Variants in IKZF2 observed in about 807,000 individuals in gnomAD.
IKZF2 encodes zinc finger protein Helios.
IKZF2 carries 15 observed loss-of-function variants against 49.2 expected under a neutral mutation model. That is an observed-to-expected ratio of 0.30 (90% CI 0.20 to 0.47). IKZF2 has a LOEUF of 0.47. Among genes scored for constraint, IKZF2 ranks in the 20% least tolerant of loss-of-function variants. The pLI is 1.00. For synonymous variants in IKZF2, 227 were observed against 221.4 expected, an observed-to-expected ratio of 1.03 and a Z score of -0.23; for missense variants, 567 against 664.6, an observed-to-expected ratio of 0.85 and a Z score of 1.61.
At chr2:213,041,459 C>T (rs918602788) in intron 6 of IKZF2, among the ~76,000 whole-genome samples, 4 of 152,070 alleles carry the variant, frequency 2.6e-5, no homozygotes, top group East Asian at 1.9e-4. Context: ...TGTGCTATCA[C>T]GCCCAGATAA....
At chr2:213,030,812 CTTTTTT>C (rs918257825) in intron 6 of IKZF2, among the ~76,000 whole-genome samples, 7 of 133,708 alleles carry the variant, frequency 5.2e-5, no homozygotes, top group African/African-American at 1.7e-4. Context: ...TACTATTTTT[CTTTTTT>C]TTTTTTTTTT....
intron 6 of IKZF2, among the ~76,000 whole-genome samples, chr2:213,045,630 T>C (rs1296105271): frequency 6.6e-6 from 1 of 152,218 alleles, no homozygotes; most frequent in Non-Finnish European, 1.5e-5. Context: ...AAGAGATATA[T>C]GCTATAGAAT....
chr2:213,144,215 C>T (rs1253305334), intron 4 of IKZF2, among the ~76,000 whole-genome samples: 1 of 151,868 alleles, frequency 6.6e-6, no homozygotes, highest in Non-Finnish European at 1.5e-5. Flanking sequence ...CCATACATGC[C>T]ACCTGGCCAT....
intron 4 of IKZF2, among the ~76,000 whole-genome samples, chr2:213,079,062 T>A (rs1440115940): frequency 6.6e-6 from 1 of 152,116 alleles, no homozygotes; most frequent in Non-Finnish European, 1.5e-5. Flanking sequence ...CTCTTTTTTG[T>A]TGAGGGAGAA....
At chr2:213,085,498 A>G (rs1250846557) in intron 4 of IKZF2, among the ~76,000 whole-genome samples, 1 of 152,216 alleles carries the variant, frequency 6.6e-6, no homozygotes, top group Non-Finnish European at 1.5e-5. Context: ...TTATTCCAGA[A>G]ACTATTTTTA....
At chr2:213,022,155 G>T in intron 6 of IKZF2, 25 bp from the exon 7 acceptor site, 1 of 1,572,266 alleles carries the variant, frequency 6.4e-7, no homozygotes. Context: ...CAAGGTCAGT[G>T]TGCTGTTAGT....
intron 6 of IKZF2, among the ~76,000 whole-genome samples, chr2:213,028,548 T>G (rs1479823523): frequency 1.3e-5 from 2 of 152,148 alleles, no homozygotes; most frequent in Non-Finnish European, 2.9e-5. Flanking sequence ...ATCTCAGCAA[T>G]GTGTTATGAT....
At chr2:213,100,616 G>A (rs369645948) in intron 4 of IKZF2, among the ~76,000 whole-genome samples, 11 of 151,916 alleles carry the variant, frequency 7.2e-5, no homozygotes, top group African/African-American at 2.2e-4. Context: ...AAGCATTACC[G>A]TGCAATAGTC....
At chr2:213,115,018 A>G (rs561233426) in intron 4 of IKZF2, among the ~76,000 whole-genome samples, 1 of 152,310 alleles carries the variant, frequency 6.6e-6, no homozygotes, top group Non-Finnish European at 1.5e-5. Context: ...ACAACAGTGT[A>G]GTTTTACATC....
chr2:213,063,467 T>C (rs1444989104), intron 4 of IKZF2, among the ~76,000 whole-genome samples: 4 of 151,802 alleles, frequency 2.6e-5, no homozygotes, highest in Admixed American at 1.3e-4. Flanking sequence ...CCATCTAAAA[T>C]ATGGGGGGAA....
chr2:213,066,267 C>G (rs530334217), intron 4 of IKZF2, among the ~76,000 whole-genome samples: 1 of 152,004 alleles, frequency 6.6e-6, no homozygotes. Context: ...AGGCTGCTGG[C>G]GGCTCAACAG....
At chr2:213,032,807 C>T (rs977312720) in intron 6 of IKZF2, among the ~76,000 whole-genome samples, 5 of 152,112 alleles carry the variant, frequency 3.3e-5, no homozygotes, top group Admixed American at 2.0e-4. Flanking sequence ...GCCTTGATGT[C>T]GATGGCTACT....
chr2:213,117,644 G>C (rs1263117271), intron 4 of IKZF2, among the ~76,000 whole-genome samples: 1 of 152,206 alleles, frequency 6.6e-6, no homozygotes, highest in African/African-American at 2.4e-5. Flanking sequence ...CATCACTGCA[G>C]TCACTGCAAC....
chr2:213,048,558 T>C (rs1432887865), intron 6 of IKZF2, among the ~76,000 whole-genome samples: 3 of 152,096 alleles, frequency 2.0e-5, no homozygotes, highest in African/African-American at 7.2e-5. Flanking sequence ...ATAATTTTGA[T>C]AGCACAATTT....
chr2:213,124,217 C>T (rs1425068469), intron 4 of IKZF2, among the ~76,000 whole-genome samples: 3 of 148,354 alleles, frequency 2.0e-5, no homozygotes, highest in African/African-American at 7.4e-5. Context: ...GGTGCATGTC[C>T]TTGTGTGCAC....
chr2:213,045,950 T>C (rs994826211), intron 6 of IKZF2, among the ~76,000 whole-genome samples: 6 of 152,316 alleles, frequency 3.9e-5, no homozygotes, highest in Middle Eastern at 6.8e-3. Context: ...CCTCTACTTT[T>C]GACTCTAAGA....
At chr2:213,050,876 T>C (rs1417537956) in intron 5 of IKZF2, among the ~76,000 whole-genome samples, 2 of 151,958 alleles carry the variant, frequency 1.3e-5, no homozygotes, top group African/African-American at 2.4e-5. Context: ...ACTAAAGATA[T>C]ACATGAAATA....
chr2:213,017,615 C>T (rs1412305352), intron 7 of IKZF2, among the ~76,000 whole-genome samples: 1 of 152,080 alleles, frequency 6.6e-6, no homozygotes, highest in Non-Finnish European at 1.5e-5. Flanking sequence ...ATGGAGGTAC[C>T]CCAAGTGTTT....
intron 6 of IKZF2, among the ~76,000 whole-genome samples, chr2:213,047,922 A>T (rs1700312080): frequency 6.6e-6 from 1 of 152,076 alleles, no homozygotes; most frequent in Non-Finnish European, 1.5e-5. Flanking sequence ...AAACAGAGTA[A>T]GAGTAAGGGG....
Sources: gnomAD v4.1 joint callset for allele counts (sites outside exome capture counted in the v4.1 genomes callset) on GRCh38, gnomAD v4.1.1 for gene constraint, MANE v1.5 for transcripts, NCBI Gene and HGNC (gene_info 2026-07-23, HGNC 2026-07-21) for gene names.